Variants in LAMA2 observed in about 807,000 individuals in gnomAD.
LAMA2 encodes the protein laminin subunit alpha-2.
A neutral mutation model predicts 364.8 loss-of-function variants in LAMA2; 269 were observed. That is an observed-to-expected ratio of 0.74 (90% CI 0.67 to 0.82). The LOEUF (loss-of-function observed/expected upper bound fraction) is 0.82, where lower values mean the gene tolerates loss of function less well. LAMA2 is among the 40% of genes least tolerant of loss of function. LAMA2 has a pLI of 0.00. For missense variants in LAMA2, 3,807 were observed against 3,873.2 expected (o/e 0.98, Z 0.45); for synonymous variants, 1,379 against 1,370.6 (o/e 1.01, Z -0.14).
rs372414339 is a variant in LAMA2, at chr6:129,098,191, G to A, written c.415G>A (p.Val139Met). Residue 139 changes from valine (V) to methionine (M), a missense_variant, in exon 4 of 65, where the codon GTG becomes ATG. Transcript: ENST00000421865. ...DLQQVFQIAYVIVKAANSPRP... is the reference protein window; with the variant it reads ...DLQQVFQIAYMIVKAANSPRP... ...TCCCTAGGTGTTCCAGATCGCGTAT[G>A]TGATTGTGAAGGCAGCTAACTCCCC... is the stretch of plus-strand genomic sequence containing the variant. 50 of 1,613,972 alleles carry A rather than the reference G, an allele frequency of 3.1e-5. No individual in the cohort carries two copies. Among genetic ancestry groups the A allele is most frequent in the Non-Finnish European group, 6.8e-6 (8 of 1,179,988 alleles).
At chr6:128,923,660 C>T (rs1778895023) in intron 1 of LAMA2, among the ~76,000 whole-genome samples, 1 of 152,154 alleles carries the variant, frequency 6.6e-6, no homozygotes, top group African/African-American at 2.4e-5. Flanking sequence ...CTCAATATCA[C>T]TGCTAATTCC....
intron 37 of LAMA2, among the ~76,000 whole-genome samples, chr6:129,398,481 T>TG (rs757636989): frequency 6.8e-6 from 1 of 146,348 alleles, no homozygotes; most frequent in Admixed American, 6.8e-5. Flanking sequence ...TCTTTTTTTT[T>TG]TTTTTTTTTT....
At chr6:128,959,642 T>C (rs1424969794) in intron 1 of LAMA2, among the ~76,000 whole-genome samples, 1 of 152,152 alleles carries the variant, frequency 6.6e-6, no homozygotes, top group Non-Finnish European at 1.5e-5. Context: ...ACTGCTAAGA[T>C]TTACCATTCC....
intron 1 of LAMA2, among the ~76,000 whole-genome samples, chr6:128,912,339 A>G (rs564984171): frequency 5.3e-5 from 8 of 152,274 alleles, no homozygotes; most frequent in African/African-American, 1.4e-4. Flanking sequence ...TTTTCTCACT[A>G]CTTCTTCCTT....
intron 12 of LAMA2, among the ~76,000 whole-genome samples, chr6:129,216,972 C>T (rs570863673): frequency 9.9e-5 from 15 of 152,072 alleles, no homozygotes; most frequent in Non-Finnish European, 1.5e-4. Flanking sequence ...GGGTGGATCA[C>T]GAGGTCAGGA....
chr6:129,372,350 A>G (rs1778136925), intron 34 of LAMA2, among the ~76,000 whole-genome samples: 1 of 152,208 alleles, frequency 6.6e-6, no homozygotes, highest in Admixed American at 6.5e-5. Flanking sequence ...TATTTTTACT[A>G]CATCCATAGT....
chr6:129,096,112 G>A (rs922296954), intron 3 of LAMA2, among the ~76,000 whole-genome samples: 3 of 152,082 alleles, frequency 2.0e-5, no homozygotes, highest in Admixed American at 6.6e-5. Context: ...TAATCCATTG[G>A]TATGTTTCTT....
At chr6:129,353,393 C>G in intron 32 of LAMA2, 36 bp downstream of exon 32, 1 of 1,555,814 alleles carries the variant, frequency 6.4e-7, no homozygotes, top group Non-Finnish European at 8.9e-7. Context: ...TTTTGGAGGC[C>G]TTGATTCCAG....
chr6:129,355,158 G>A (rs1455292818), intron 32 of LAMA2, among the ~76,000 whole-genome samples: 2 of 152,098 alleles, frequency 1.3e-5, no homozygotes, highest in African/African-American at 4.8e-5. Context: ...TTTTGCTAAA[G>A]CACAGTTAAT....
At chr6:129,384,311 A>G (rs1419301532) in intron 35 of LAMA2, among the ~76,000 whole-genome samples, 2 of 152,192 alleles carry the variant, frequency 1.3e-5, no homozygotes, top group Non-Finnish European at 2.9e-5. Flanking sequence ...AAACAACAAC[A>G]ACAACAAATC....
At chr6:129,192,291 G>A (rs555120799) in intron 11 of LAMA2, among the ~76,000 whole-genome samples, 1 of 152,178 alleles carries the variant, frequency 6.6e-6, no homozygotes, top group Non-Finnish European at 1.5e-5. Flanking sequence ...ACTACTAGTG[G>A]AGTAAAAAAT....
chr6:128,939,143 CT>C (rs201341889), intron 1 of LAMA2, among the ~76,000 whole-genome samples: 4,297 of 152,268 alleles, frequency 0.028, 174 homozygotes, highest in African/African-American at 0.089. Flanking sequence ...TGTAGAAGGG[CT>C]TTCCTCCACA....
intron 43 of LAMA2, chr6:129,442,364 T>C (rs1036070667): frequency 2.9e-6 from 1 of 350,718 alleles, no homozygotes; most frequent in Non-Finnish European, 4.4e-6. Flanking sequence ...TAAAATTTTT[T>C]AATGTAAGCC....
At chr6:129,494,329 T>C (rs1442321747) in intron 58 of LAMA2, among the ~76,000 whole-genome samples, 1 of 152,250 alleles carries the variant, frequency 6.6e-6, no homozygotes, top group Non-Finnish European at 1.5e-5. Flanking sequence ...CAGATAACCA[T>C]CATTCAAGAA....
chr6:129,269,197 A>G (rs1290533047), intron 16 of LAMA2, among the ~76,000 whole-genome samples: 1 of 152,088 alleles, frequency 6.6e-6, no homozygotes, highest in Non-Finnish European at 1.5e-5. Flanking sequence ...ATTTTAACTC[A>G]AAGTCCATTT....
In LAMA2 at chr6:129,250,117, A is replaced by C; in HGVS notation, c.1788A>C (p.Pro596=). Residue 596 remains proline, a synonymous_variant, in exon 13 of 65, where the codon CCA becomes CCC. Transcript: ENST00000421865. ...APAPYLGNKL[P]AVGGQLTFTI... is the part of the protein sequence containing the mutation. ...ATGCATCTTCTGTCTTGTAGCTCCC[A>C]GCAGTAGGAGGACAGTTGACATTTA... 2 of 1,591,478 alleles carry C rather than the reference A, an allele frequency of 1.3e-6. No individual in the cohort carries two copies. The highest frequency in any genetic ancestry group is 2.2e-5 in the South Asian group (2 of 90,588).
chr6:129,499,255 A>G (rs1385530993), intron 58 of LAMA2, among the ~76,000 whole-genome samples: 1 of 152,086 alleles, frequency 6.6e-6, no homozygotes, highest in Admixed American at 6.5e-5. Context: ...GCCTCTACTG[A>G]GACTGTGAAT....
intron 12 of LAMA2, among the ~76,000 whole-genome samples, chr6:129,206,896 G>A (rs994879100): frequency 2.6e-5 from 4 of 152,192 alleles, no homozygotes; most frequent in Admixed American, 1.3e-4. Context: ...TCTCCTTGAG[G>A]CACATCGAAA....
rs759994977 is a variant in LAMA2 at position 129,516,399 on chromosome 6, A to AAAAC, written c.*60_*63dup. 8 of 1,536,554 alleles carry AAAAC rather than the reference A, an allele frequency of 5.2e-6. No homozygotes were observed. Among genetic ancestry groups the AAAAC allele is most frequent in the African/African-American group, 1.4e-5 (1 of 71,842 alleles). On this transcript the variant is annotated 3_prime_UTR_variant, in exon 65 of 65. Coordinates refer to ENST00000421865, the MANE Select transcript of LAMA2 (RefSeq NM_000426.4). ...GTCTGTCAAAACAAGTATATCAAGT[A>AAAAC]AAACAAACAAATATATTTTACCTAT...
Sources: gnomAD v4.1 joint callset for allele counts (sites outside exome capture counted in the v4.1 genomes callset) on GRCh38, gnomAD v4.1.1 for gene constraint, MANE v1.5 for transcripts, NCBI Gene and HGNC (gene_info 2026-07-23, HGNC 2026-07-21) for gene names.